The following CDS2 variants were observed in gnomAD, a reference collection of about 807,000 sequenced individuals.
The protein encoded by CDS2 is phosphatidate cytidylyltransferase 2.
Under a neutral mutation model 59.0 loss-of-function variants are expected in CDS2, and 47 were observed. That is an observed-to-expected ratio of 0.80 (90% CI 0.63 to 1.02). The LOEUF (loss-of-function observed/expected upper bound fraction) is 1.02, where lower values mean the gene tolerates loss of function less well. CDS2 is among the 50% of genes least tolerant of loss of function. The pLI is 0.00. For missense variants in CDS2, 356 were observed against 558.9 expected, an observed-to-expected ratio of 0.64 and a Z score of 3.66; for synonymous variants, 207 against 206.4, an observed-to-expected ratio of 1.00 and a Z score of -0.02.
Position 5,177,679 on chromosome 20 carries a change from C to T in CDS2, c.389+934C>T, listed in dbSNP as rs568799268. On this transcript the variant is annotated intron_variant, in intron 4 of 12. Transcript: ENST00000460006. Reference sequence around the variant, plus strand: ...AGCCATGACTTAGCCGGCTGGAGAGCAGTGGTTTTTGCCCCAGCAACCTGG... The same window carrying T: ...AGCCATGACTTAGCCGGCTGGAGAGTAGTGGTTTTTGCCCCAGCAACCTGG... Among the ~76,000 whole-genome samples the T allele has an allele frequency of 5.9e-5, 9 of 152,242 alleles. No homozygotes were observed. In the South Asian group the frequency reaches 1.9e-3, roughly 32 times the overall value.
At chr20:5,180,864 G>A (rs2091028747) in intron 5 of CDS2, among the ~76,000 whole-genome samples, 1 of 152,034 alleles carries the variant, frequency 6.6e-6, no homozygotes, top group Non-Finnish European at 1.5e-5. Context: ...GGCTGATTAG[G>A]GGCAATGATA....
In CDS2 at chr20:5,127,015, C is replaced by G; in HGVS notation, c.-78C>G. 4.4e-6 allele frequency: 6 copies of G among 1,365,276 alleles called. No individual in the cohort carries two copies. Among genetic ancestry groups the G allele is most frequent in the African/African-American group, 3.1e-5 (2 of 64,874 alleles). The allele number at this position is 1,365,276 out of a possible 1,614,324, so 84.6% of individuals were successfully genotyped here. On this transcript the variant is annotated 5_prime_UTR_variant, in exon 1 of 13. Transcript: ENST00000460006. ...CGGGGCGGGGCCGGCCGTGGGAGTC[C>G]GCGCGTGCCCGCGCCGAGCTGCCTG...
intron 9 of CDS2, among the ~76,000 whole-genome samples, chr20:5,186,097 A>G (rs561075897): frequency 1.3e-5 from 2 of 152,218 alleles, no homozygotes; most frequent in Non-Finnish European, 2.9e-5. Flanking sequence ...TGATGTTCCA[A>G]GGTCAGGGTG....
chr20:5,189,614 T>G, intron 11 of CDS2, 121 bp from the exon 12 acceptor site: 1 of 699,274 alleles, frequency 1.4e-6, no homozygotes, highest in East Asian at 2.5e-5. Context: ...ATTTCATACT[T>G]CTCACCTTCT....
intron 1 of CDS2, among the ~76,000 whole-genome samples, chr20:5,133,857 T>C (rs1732858338): frequency 6.6e-6 from 1 of 152,196 alleles, no homozygotes. Flanking sequence ...GTTGTTGTTT[T>C]TTATTTTTTT....
chr20:5,179,039 T>A, intron 5 of CDS2, 83 bp downstream of exon 5: 1 of 1,354,402 alleles, frequency 7.4e-7, no homozygotes, highest in East Asian at 2.3e-5. Flanking sequence ...ATTTCTTGGT[T>A]AGTATACAGT....
At chr20:5,174,720 CA>C (rs60174280) in intron 2 of CDS2, among the ~76,000 whole-genome samples, 11,460 of 116,880 alleles carry the variant, frequency 0.098, 464 homozygotes, top group Middle Eastern at 0.2. Flanking sequence ...AACTCTGTCT[CA>C]AAAAAAAAAA....
At chr20:5,152,137 G>A (rs2090797406) in intron 1 of CDS2, among the ~76,000 whole-genome samples, 1 of 151,308 alleles carries the variant, frequency 6.6e-6, no homozygotes, top group South Asian at 2.1e-4. Context: ...AATACGCATC[G>A]TTGGTGACAT....
At chr20:5,139,391 G>T (rs1460753291) in intron 1 of CDS2, among the ~76,000 whole-genome samples, 1 of 152,178 alleles carries the variant, frequency 6.6e-6, no homozygotes, top group Non-Finnish European at 1.5e-5. Flanking sequence ...AAATGCTACT[G>T]ATTTTTGTAT....
intron 1 of CDS2, among the ~76,000 whole-genome samples, chr20:5,147,741 C>G (rs1468130718): frequency 1.4e-5 from 2 of 148,008 alleles, no homozygotes; most frequent in Non-Finnish European, 3.0e-5. Flanking sequence ...TTTTTTGTTT[C>G]TTTGGTGACA....
At chr20:5,147,461 A>G (rs375635682) in intron 1 of CDS2, among the ~76,000 whole-genome samples, 1 of 152,222 alleles carries the variant, frequency 6.6e-6, no homozygotes, top group South Asian at 2.1e-4. Flanking sequence ...CCAGGAGAGC[A>G]CAGGCCTTGC....
At chr20:5,141,353 A>G (rs1023840750) in intron 1 of CDS2, among the ~76,000 whole-genome samples, 2 of 152,198 alleles carry the variant, frequency 1.3e-5, no homozygotes, top group African/African-American at 4.8e-5. Context: ...CAATGTGTGC[A>G]TCTAATGAAG....
chr20:5,151,527 G>A (rs1371673593), intron 1 of CDS2, among the ~76,000 whole-genome samples: 2 of 152,154 alleles, frequency 1.3e-5, no homozygotes, highest in Admixed American at 6.5e-5. Flanking sequence ...TTGGGAGGCT[G>A]AAGTGGGAGG....
intron 1 of CDS2, among the ~76,000 whole-genome samples, chr20:5,146,624 T>C (rs2090745797): frequency 6.6e-6 from 1 of 152,216 alleles, no homozygotes; most frequent in Admixed American, 6.5e-5. Context: ...GTTGCTGTTA[T>C]TTATGATTTT....
intron 1 of CDS2, among the ~76,000 whole-genome samples, chr20:5,165,047 C>T (rs114860139): frequency 0.013 from 1,923 of 152,210 alleles, 49 homozygotes; most frequent in African/African-American, 0.042. Flanking sequence ...CATTCCTTGT[C>T]ACAAAAATTA....
rs1375953499 is a variant in CDS2 at position 5,195,329 on chromosome 20, C to T, written c.*5095C>T. The T allele has an allele frequency of 6.6e-6, 1 of 152,418 alleles. No individual in the cohort carries two copies. The highest frequency in any genetic ancestry group is 2.4e-5 in the African/African-American group (1 of 41,382). The allele number at this position is 152,418 out of a possible 1,614,324, so 9.4% of individuals were successfully genotyped here. On this transcript the variant is annotated 3_prime_UTR_variant, in exon 13 of 13. Transcript: ENST00000460006. ...TCTGGGTCCCTCCGAGAGAAGCACG[C>T]CAACCTTAACATCCCCTACAGCATC... is the stretch of plus-strand genomic sequence containing the variant.
At chr20:5,169,918 G>GCT (rs1224871603) in intron 1 of CDS2, among the ~76,000 whole-genome samples, 14 of 152,188 alleles carry the variant, frequency 9.2e-5, no homozygotes, top group African/African-American at 3.4e-4. Flanking sequence ...AAGGCCTGAT[G>GCT]CTCTCCTTGG....
At chr20:5,172,682 A>G (rs2090964743) in intron 1 of CDS2, among the ~76,000 whole-genome samples, 1 of 152,152 alleles carries the variant, frequency 6.6e-6, no homozygotes, top group African/African-American at 2.4e-5. Flanking sequence ...GGCTCTTCAG[A>G]CCTTGCAGGG....
chr20:5,150,389 A>T (rs567332133), intron 1 of CDS2, among the ~76,000 whole-genome samples: 16 of 152,198 alleles, frequency 1.1e-4, no homozygotes, highest in Non-Finnish European at 2.2e-4. Context: ...TCTCAGTTCC[A>T]TGTTCTTTGC....
Sources: allele counts gnomAD v4.1 joint callset (sites outside exome capture counted in the v4.1 genomes callset), GRCh38; gene constraint gnomAD v4.1.1; transcripts MANE v1.5; gene names NCBI Gene and HGNC (gene_info 2026-07-23, HGNC 2026-07-21).